MDGA2: variants seen among roughly 807,000 people sequenced by gnomAD.
MDGA2 encodes the protein MAM domain-containing glycosylphosphatidylinositol anchor protein 2.
In MDGA2, 40 loss-of-function variants were observed where a neutral mutation model predicts 117.8. The observed-to-expected ratio is 0.34, with a 90% CI of 0.26 to 0.44. The LOEUF is 0.44. Among genes scored for constraint, MDGA2 ranks in the 20% least tolerant of loss-of-function variants. The pLI is 1.00. For missense variants in MDGA2, 1,123 were observed against 1,250.6 expected (o/e 0.90, Z 1.54); for synonymous variants, 452 against 439.0 (o/e 1.03, Z -0.37).
At chr14:46,967,894 CCCT>C (rs1886099570) in intron 8 of MDGA2, among the ~76,000 whole-genome samples, 1 of 152,022 alleles carries the variant, frequency 6.6e-6, no homozygotes, top group Admixed American at 6.6e-5. Context: ...TAAATATAGT[CCCT>C]CCTCTTCTCT....
intron 10 of MDGA2, among the ~76,000 whole-genome samples, chr14:46,898,508 G>T (rs1253247768): frequency 1.3e-5 from 2 of 151,950 alleles, no homozygotes; most frequent in African/African-American, 4.8e-5. Flanking sequence ...GAATATAGAA[G>T]CATTAAGTTT....
intron 1 of MDGA2, among the ~76,000 whole-genome samples, chr14:47,593,196 C>T (rs936729985): frequency 2.6e-5 from 4 of 152,054 alleles, no homozygotes; most frequent in Non-Finnish European, 2.9e-5. Context: ...ATTTCACGCC[C>T]GTCTGAATGG....
intron 1 of MDGA2, among the ~76,000 whole-genome samples, chr14:47,393,805 C>A (rs1353191331): frequency 6.6e-6 from 1 of 152,086 alleles, no homozygotes; most frequent in African/African-American, 2.4e-5. Flanking sequence ...TGTGCCTGTA[C>A]AGGAAATGAG....
intron 1 of MDGA2, among the ~76,000 whole-genome samples, chr14:47,489,608 T>C (rs1341161041): frequency 6.6e-6 from 1 of 152,070 alleles, no homozygotes. Context: ...ATATAAAATT[T>C]GCATGATAAA....
intron 1 of MDGA2, among the ~76,000 whole-genome samples, chr14:47,540,452 C>T (rs1483272911): frequency 6.6e-6 from 1 of 151,482 alleles, no homozygotes; most frequent in African/African-American, 2.4e-5. Context: ...CCAACACACA[C>T]ACTCCGTCCC....
intron 1 of MDGA2, among the ~76,000 whole-genome samples, chr14:47,646,059 G>A (rs1897526312): frequency 7.2e-6 from 1 of 138,598 alleles, no homozygotes; most frequent in Non-Finnish European, 1.5e-5. Context: ...CAGCCTGCGC[G>A]ACAGAGCAAG....
intron 12 of MDGA2, 63 bp from the exon 13 acceptor site, chr14:46,874,263 A>G (rs1882135191): frequency 4.8e-6 from 4 of 835,906 alleles, no homozygotes; most frequent in African/African-American, 3.6e-5. Context: ...CAATATTTTC[A>G]TAAGAAAAAT....
intron 1 of MDGA2, among the ~76,000 whole-genome samples, chr14:47,404,444 C>T (rs1410475508): frequency 6.6e-6 from 1 of 151,772 alleles, no homozygotes; most frequent in African/African-American, 2.4e-5. Flanking sequence ...CCTTGGGCTC[C>T]CAAAGTGCTG....
chr14:47,655,007 G>T (rs2416098), intron 1 of MDGA2, among the ~76,000 whole-genome samples: 152,146 of 152,188 alleles, frequency 1, 76,052 homozygotes, highest in Middle Eastern at 1. Context: ...AAGACAGTAT[G>T]GCATTCTAGA....
intron 9 of MDGA2, 105 bp from the exon 10 acceptor site, chr14:46,920,265 A>G: frequency 9.1e-7 from 1 of 1,093,726 alleles, no homozygotes; most frequent in East Asian, 2.9e-5. Flanking sequence ...TTTCATTAGT[A>G]ATTATAAAAT....
intron 2 of MDGA2, among the ~76,000 whole-genome samples, chr14:47,240,704 A>C (rs1305071266): frequency 1.3e-5 from 2 of 151,948 alleles, no homozygotes; most frequent in African/African-American, 4.8e-5. Context: ...AATATTGCAC[A>C]CACAACTGAG....
chr14:47,308,622 T>G (rs1281349140), intron 1 of MDGA2, among the ~76,000 whole-genome samples: 1 of 151,432 alleles, frequency 6.6e-6, no homozygotes, highest in Non-Finnish European at 1.5e-5. Flanking sequence ...CTCACAGCAT[T>G]TAAATATGCT....
chr14:47,255,252 T>C (rs1465027099), intron 2 of MDGA2, among the ~76,000 whole-genome samples: 1 of 152,144 alleles, frequency 6.6e-6, no homozygotes, highest in African/African-American at 2.4e-5. Context: ...AGGCAAAGCG[T>C]GGTAGTATGA....
At chr14:47,388,230 T>A (rs1315150191) in intron 1 of MDGA2, among the ~76,000 whole-genome samples, 3 of 152,172 alleles carry the variant, frequency 2.0e-5, no homozygotes, top group Admixed American at 2.0e-4. Flanking sequence ...CAGTAAGAAA[T>A]AACGGTATAA....
chr14:47,335,028 G>A (rs1390877255), intron 1 of MDGA2, among the ~76,000 whole-genome samples: 2 of 151,756 alleles, frequency 1.3e-5, no homozygotes, highest in Non-Finnish European at 2.9e-5. Context: ...TTTGTTGCAG[G>A]CTATCCATGA....
chr14:47,472,372 C>T (rs142494854), intron 1 of MDGA2, among the ~76,000 whole-genome samples: 3 of 152,278 alleles, frequency 2.0e-5, no homozygotes, highest in Middle Eastern at 3.4e-3. Context: ...TAGCCTATCA[C>T]GTCTAGGCTA....
chr14:47,360,983 TG>T (rs1356975470), intron 1 of MDGA2, among the ~76,000 whole-genome samples: 1 of 152,092 alleles, frequency 6.6e-6, no homozygotes, highest in East Asian at 1.9e-4. Context: ...TGTAGTTATG[TG>T]GGACTAATAA....
chr14:47,468,073 T>C (rs1237387081), intron 1 of MDGA2, among the ~76,000 whole-genome samples: 2 of 152,118 alleles, frequency 1.3e-5, no homozygotes, highest in Non-Finnish European at 2.9e-5. Flanking sequence ...TTTGCATTTC[T>C]ACAAGGTAAG....
chr14:47,475,692 G>A (rs1206525121), intron 1 of MDGA2, among the ~76,000 whole-genome samples: 6 of 152,220 alleles, frequency 3.9e-5, no homozygotes, highest in Non-Finnish European at 5.9e-5. Flanking sequence ...GATGGAGCTC[G>A]AAGCCATTAC....
Sources: gnomAD v4.1 joint callset for allele counts (sites outside exome capture counted in the v4.1 genomes callset) on GRCh38, gnomAD v4.1.1 for gene constraint, MANE v1.5 for transcripts, NCBI Gene and HGNC (gene_info 2026-07-23, HGNC 2026-07-21) for gene names.